The following SEMA3C variants were observed in gnomAD, a reference collection of about 807,000 sequenced individuals.
SEMA3C encodes the protein semaphorin-3C.
SEMA3C carries 47 observed loss-of-function variants against 89.4 expected under a neutral mutation model. The ratio of observed to expected loss-of-function variants is 0.53; its 90% CI spans 0.42 to 0.67. The LOEUF (loss-of-function observed/expected upper bound fraction) is 0.67. SEMA3C is among the 30% of genes least tolerant of loss of function. The pLI is 0.00. For missense variants in SEMA3C, 839 were observed against 929.1 expected, an observed-to-expected ratio of 0.90 and a Z score of 1.26; for synonymous variants, 310 against 320.2, an observed-to-expected ratio of 0.97 and a Z score of 0.34.
chr7:80,879,808 T>C (rs959272679), intron 2 of SEMA3C, among the ~76,000 whole-genome samples: 1 of 151,806 alleles, frequency 6.6e-6, no homozygotes. Flanking sequence ...ACCACAGAGG[T>C]TAGGTGGTAT....
At chr7:80,798,414 A>T (rs926465166) in intron 10 of SEMA3C, among the ~76,000 whole-genome samples, 178 bp from the exon 11 acceptor site, 7 of 152,242 alleles carry the variant, frequency 4.6e-5, no homozygotes, top group Non-Finnish European at 7.3e-5. Flanking sequence ...TACATAAAGC[A>T]TTACAATACT....
At chr7:80,839,692 G>A (rs1182699602) in intron 2 of SEMA3C, among the ~76,000 whole-genome samples, 1 of 151,902 alleles carries the variant, frequency 6.6e-6, no homozygotes, top group East Asian at 1.9e-4. Flanking sequence ...GTCCTTGGAT[G>A]GTGGGACAGA....
intron 16 of SEMA3C, among the ~76,000 whole-genome samples, chr7:80,750,113 A>G (rs1787890386): frequency 2.0e-5 from 3 of 152,054 alleles, no homozygotes; most frequent in African/African-American, 2.4e-5. Flanking sequence ...ACTCAAAAGG[A>G]TTAGAAATAG....
At chr7:80,888,465 AAAAT>A (rs959706426) in intron 2 of SEMA3C, among the ~76,000 whole-genome samples, 6 of 152,062 alleles carry the variant, frequency 3.9e-5, no homozygotes, top group African/African-American at 1.4e-4. Flanking sequence ...ACCCTGTCTA[AAAAT>A]AAATAAATAA....
intron 2 of SEMA3C, among the ~76,000 whole-genome samples, chr7:80,841,989 T>G (rs1790280910): frequency 6.6e-6 from 1 of 152,210 alleles, no homozygotes; most frequent in African/African-American, 2.4e-5. Context: ...AACACATTTG[T>G]CAGTCATTCT....
intron 2 of SEMA3C, among the ~76,000 whole-genome samples, chr7:80,849,083 A>G (rs948022307): frequency 1.9e-4 from 29 of 152,192 alleles, no homozygotes; most frequent in Admixed American, 9.2e-4. Flanking sequence ...AATGTCATAC[A>G]AAACATCATT....
At chr7:80,769,412 CA>C (rs1174666535) in intron 12 of SEMA3C, among the ~76,000 whole-genome samples, 2 of 152,134 alleles carry the variant, frequency 1.3e-5, no homozygotes, top group Non-Finnish European at 2.9e-5. Flanking sequence ...TCAAATGAGA[CA>C]ACTGACTCCA....
At chr7:80,758,068 G>C (rs953264278) in intron 15 of SEMA3C, among the ~76,000 whole-genome samples, 1 of 152,154 alleles carries the variant, frequency 6.6e-6, no homozygotes, top group Non-Finnish European at 1.5e-5. Flanking sequence ...AGTCCTAGGG[G>C]AGTAGGTGTT....
At chr7:80,791,084 A>C (rs1374428534) in intron 11 of SEMA3C, among the ~76,000 whole-genome samples, 8 of 152,016 alleles carry the variant, frequency 5.3e-5, no homozygotes, top group Admixed American at 5.2e-4. Context: ...GTTTCAGAGC[A>C]CTGAGTCCAA....
At chr7:80,853,229 A>G (rs542478124) in intron 2 of SEMA3C, among the ~76,000 whole-genome samples, 1 of 152,264 alleles carries the variant, frequency 6.6e-6, no homozygotes, top group Non-Finnish European at 1.5e-5. Flanking sequence ...AAAACTAACA[A>G]TAGAACAACC....
intron 2 of SEMA3C, among the ~76,000 whole-genome samples, chr7:80,904,191 C>T (rs896134019): frequency 6.6e-6 from 1 of 152,106 alleles, no homozygotes; most frequent in Non-Finnish European, 1.5e-5. Flanking sequence ...CAGCCGTGCA[C>T]CACCATGCCT....
At chr7:80,910,521 C>A (rs772947667) in intron 2 of SEMA3C, among the ~76,000 whole-genome samples, 6 of 152,138 alleles carry the variant, frequency 3.9e-5, no homozygotes, top group Non-Finnish European at 7.4e-5. Flanking sequence ...AACATCTTAC[C>A]TTTCTGTTCC....
At position 80,745,047 on chromosome 7, in the gene SEMA3C, T is replaced by C. The variant is rs2117019529; in HGVS notation, c.2103A>G (p.Glu701=). 6 of 1,614,140 alleles carry C rather than the reference T, an allele frequency of 3.7e-6. No individual in the cohort carries two copies. The East Asian group carries it at 1.3e-4, about 36-fold the overall frequency. The change falls in exon 18 of 18, where the codon GAA becomes GAG. Residue 701 remains glutamate, a synonymous_variant. Coordinates refer to ENST00000265361, the MANE Select transcript of SEMA3C (RefSeq NM_006379.5). The part of the protein sequence containing the change: ...KDIMGAFSHS[E]MQMINQYCKD... Reference sequence around the variant, plus strand: ...TGCAATATTGGTTAATCATCTGCATTTCTGAGTGGCTGAATGCCCCCATGA... The same window carrying C: ...TGCAATATTGGTTAATCATCTGCATCTCTGAGTGGCTGAATGCCCCCATGA...
chr7:80,861,392 T>C (rs980714921), intron 2 of SEMA3C, among the ~76,000 whole-genome samples: 4 of 152,174 alleles, frequency 2.6e-5, no homozygotes, highest in African/African-American at 9.6e-5. Flanking sequence ...TATTACATAT[T>C]TGCTTGCCAT....
At chr7:80,792,342 A>G (rs1247845889) in intron 11 of SEMA3C, among the ~76,000 whole-genome samples, 1 of 152,250 alleles carries the variant, frequency 6.6e-6, no homozygotes, top group Non-Finnish European at 1.5e-5. Flanking sequence ...GGAAAGAGCA[A>G]TGCATGGGTA....
intron 17 of SEMA3C, among the ~76,000 whole-genome samples, chr7:80,746,242 T>C (rs1212516097): frequency 2.0e-5 from 3 of 151,956 alleles, no homozygotes; most frequent in Non-Finnish European, 4.4e-5. Context: ...ACTAATAATA[T>C]CTAAATCAAA....
intron 4 of SEMA3C, among the ~76,000 whole-genome samples, chr7:80,826,291 C>T (rs1337353228): frequency 6.6e-6 from 1 of 152,158 alleles, no homozygotes; most frequent in Non-Finnish European, 1.5e-5. Context: ...CTGAAATCAG[C>T]ATCTCTTGAC....
chr7:80,894,531 G>C (rs1156305902), intron 2 of SEMA3C, among the ~76,000 whole-genome samples: 1 of 152,056 alleles, frequency 6.6e-6, no homozygotes, highest in East Asian at 1.9e-4. Flanking sequence ...TGTTTCCAAG[G>C]TAACGGGATT....
chr7:80,912,040 T>C (rs1378000798), intron 2 of SEMA3C, among the ~76,000 whole-genome samples: 3 of 152,176 alleles, frequency 2.0e-5, no homozygotes, highest in African/African-American at 7.2e-5. Flanking sequence ...TGCTCCCAAT[T>C]GTAGGAACCT....
Sources: gnomAD v4.1 joint callset for allele counts (sites outside exome capture counted in the v4.1 genomes callset) on GRCh38, gnomAD v4.1.1 for gene constraint, MANE v1.5 for transcripts, NCBI Gene and HGNC (gene_info 2026-07-23, HGNC 2026-07-21) for gene names.